Variants in SLC9A9 observed in about 807,000 individuals in gnomAD.
The protein encoded by SLC9A9 is solute carrier family 9 member A9, also known as sodium/hydrogen exchanger 9.
Under a neutral mutation model 77.8 loss-of-function variants are expected in SLC9A9, and 62 were observed. That is an observed-to-expected ratio of 0.80 (90% CI 0.65 to 0.98). SLC9A9 has a LOEUF of 0.98. SLC9A9 is among the 50% of genes least tolerant of loss of function. The probability of loss-of-function intolerance (pLI) is 0.00; values close to 1 mark genes in which losing one functional copy is unlikely to be tolerated. For synonymous variants in SLC9A9, 320 were observed against 283.5 expected (o/e 1.13, Z -1.29); for missense variants, 775 against 774.9 (o/e 1.00, Z 0.00).
chr3:143,542,625 A>G (rs1017764470), intron 9 of SLC9A9, among the ~76,000 whole-genome samples: 4 of 152,240 alleles, frequency 2.6e-5, no homozygotes, highest in African/African-American at 9.6e-5. Flanking sequence ...TTCTTTCAAT[A>G]TATCAAGATT....
chr3:143,370,622 G>A (rs2033038966), intron 13 of SLC9A9, among the ~76,000 whole-genome samples: 1 of 145,758 alleles, frequency 6.9e-6, no homozygotes, highest in Non-Finnish European at 1.5e-5. Context: ...TAATTTTCCT[G>A]GAACAAGAAG....
chr3:143,360,746 CTT>C (rs1264505139), intron 14 of SLC9A9, among the ~76,000 whole-genome samples: 1 of 152,152 alleles, frequency 6.6e-6, no homozygotes, highest in Non-Finnish European at 1.5e-5. Context: ...GGTTTTCTAT[CTT>C]TGAGTCTGAA....
intron 15 of SLC9A9, 45 bp from the exon 16 acceptor site, chr3:143,266,974 G>T (rs1472258675): frequency 1.3e-6 from 2 of 1,566,546 alleles, no homozygotes; most frequent in Non-Finnish European, 1.8e-6. Flanking sequence ...GATGAAGGCA[G>T]AAAACAATAG....
chr3:143,595,410 C>G (rs1188733102), intron 6 of SLC9A9, among the ~76,000 whole-genome samples: 1 of 152,248 alleles, frequency 6.6e-6, no homozygotes, highest in African/African-American at 2.4e-5. Context: ...AATGCTTTGA[C>G]TTCTTATGAA....
intron 4 of SLC9A9, among the ~76,000 whole-genome samples, chr3:143,731,384 T>C (rs1400510659): frequency 1.3e-5 from 2 of 152,192 alleles, no homozygotes; most frequent in African/African-American, 2.4e-5. Context: ...CTACTGCTCC[T>C]TCCTAGGCCT....
intron 9 of SLC9A9, among the ~76,000 whole-genome samples, chr3:143,513,434 A>G (rs896249304): frequency 2.0e-5 from 3 of 152,172 alleles, no homozygotes; most frequent in African/African-American, 7.2e-5. Context: ...TTCTCTTGCT[A>G]TTCCTACCAC....
At chr3:143,341,244 C>T (rs2032088213) in intron 14 of SLC9A9, among the ~76,000 whole-genome samples, 1 of 152,046 alleles carries the variant, frequency 6.6e-6, no homozygotes, top group Non-Finnish European at 1.5e-5. Context: ...GTAGTGGGGG[C>T]TTAAGGGGGC....
intron 8 of SLC9A9, among the ~76,000 whole-genome samples, chr3:143,563,076 C>A (rs1039882706): frequency 2.1e-4 from 32 of 152,068 alleles, no homozygotes; most frequent in African/African-American, 5.8e-4. Flanking sequence ...TGGATAAGAA[C>A]TAGAACCAAC....
chr3:143,450,260 TA>T (rs2034981411), intron 12 of SLC9A9, among the ~76,000 whole-genome samples: 2 of 143,726 alleles, frequency 1.4e-5, no homozygotes, highest in African/African-American at 2.5e-5. Context: ...TATTGTAACA[TA>T]AAAATTATTC....
Position 143,485,423 on chromosome 3 carries a change from A to G in SLC9A9, c.1315+8230T>C, listed in dbSNP as rs114979195. 2.5e-3 allele frequency among the ~76,000 whole-genome samples: 387 copies of G among 152,278 alleles called. 1 individual carries two copies. Among genetic ancestry groups the G allele is most frequent in the African/African-American group, 8.8e-3 (365 of 41,560 alleles). Reference sequence around the variant, plus strand: ...TCTCCTTTTGGGGGCCTGACATTAAATATTAGGTCATTAAAAAATAACTAC... The same window carrying G: ...TCTCCTTTTGGGGGCCTGACATTAAGTATTAGGTCATTAAAAAATAACTAC... On this transcript the variant is annotated intron_variant, in intron 11 of 15. Coordinates refer to ENST00000316549, the MANE Select transcript of SLC9A9 (RefSeq NM_173653.4).
chr3:143,620,638 G>T (rs2108711642), intron 6 of SLC9A9: 1 of 152,866 alleles, frequency 6.5e-6, no homozygotes, highest in Non-Finnish European at 1.5e-5. Context: ...CAGGGGGGTG[G>T]AGCCAAGATG....
intron 4 of SLC9A9, among the ~76,000 whole-genome samples, chr3:143,715,906 A>G (rs1301470747): frequency 2.6e-5 from 4 of 152,370 alleles, no homozygotes; most frequent in African/African-American, 4.8e-5. Flanking sequence ...CAAAGAGAAC[A>G]TCTTCAATTA....
intron 6 of SLC9A9, among the ~76,000 whole-genome samples, chr3:143,628,389 C>T (rs1697430459): frequency 6.6e-6 from 1 of 152,128 alleles, no homozygotes; most frequent in Non-Finnish European, 1.5e-5. Context: ...TGGGCAAAAT[C>T]GTCTACCATA....
intron 14 of SLC9A9, among the ~76,000 whole-genome samples, chr3:143,327,006 A>T (rs1225060589): frequency 1.3e-5 from 2 of 152,222 alleles, no homozygotes; most frequent in Non-Finnish European, 2.9e-5. Flanking sequence ...TGGAGTATAT[A>T]CACTCAAAGA....
chr3:143,422,522 C>T (rs1046178089), intron 12 of SLC9A9, among the ~76,000 whole-genome samples: 3 of 152,068 alleles, frequency 2.0e-5, no homozygotes, highest in South Asian at 2.1e-4. Flanking sequence ...CATCTTCTTG[C>T]TTATAAGTGG....
At chr3:143,822,406 C>A (rs2009189406) in intron 2 of SLC9A9, among the ~76,000 whole-genome samples, 1 of 152,216 alleles carries the variant, frequency 6.6e-6, no homozygotes, top group Non-Finnish European at 1.5e-5. Flanking sequence ...TGGGGCAGAA[C>A]TCGATAAATC....
At chr3:143,480,516 C>A (rs142553398) in intron 11 of SLC9A9, among the ~76,000 whole-genome samples, 2 of 152,334 alleles carry the variant, frequency 1.3e-5, no homozygotes, top group Non-Finnish European at 2.9e-5. Context: ...TTGCTTGACA[C>A]AGTTGTTAAA....
At chr3:143,543,540 T>C (rs1408551176) in intron 9 of SLC9A9, among the ~76,000 whole-genome samples, 1 of 152,156 alleles carries the variant, frequency 6.6e-6, no homozygotes, top group African/African-American at 2.4e-5. Flanking sequence ...CCTTACACTT[T>C]CCCTCCCTGC....
intron 6 of SLC9A9, among the ~76,000 whole-genome samples, chr3:143,630,773 A>G (rs11716124): frequency 0.084 from 12,839 of 152,230 alleles, 633 homozygotes; most frequent in Middle Eastern, 0.19. Context: ...TGCTTACAGT[A>G]TATTTCTTTG....
Sources: allele counts gnomAD v4.1 joint callset (sites outside exome capture counted in the v4.1 genomes callset), GRCh38; gene constraint gnomAD v4.1.1; transcripts MANE v1.5; gene names NCBI Gene and HGNC (gene_info 2026-07-23, HGNC 2026-07-21).